CLCA2: variants seen among roughly 807,000 people sequenced by gnomAD.
CLCA2 encodes chloride channel accessory 2.
A neutral mutation model predicts 82.9 loss-of-function variants in CLCA2; 85 were observed. That is an observed-to-expected ratio of 1.03 (90% confidence interval 0.86 to 1.23). The LOEUF is 1.23. CLCA2 is among the 50% of genes most tolerant of loss of function. CLCA2 has a pLI of 0.00. For synonymous variants in CLCA2, 421 were observed against 391.7 expected, an observed-to-expected ratio of 1.07 and a Z score of -0.88; for missense variants, 1,089 against 1,124.8, an observed-to-expected ratio of 0.97 and a Z score of 0.45.
chr1:86,441,638 C>T, intron 9 of CLCA2, 95 bp downstream of exon 9: 1 of 785,242 alleles, frequency 1.3e-6, no homozygotes, highest in Non-Finnish European at 2.1e-6. Flanking sequence ...GCTTCATTAA[C>T]CTTACTTGAA....
intron 10 of CLCA2, among the ~76,000 whole-genome samples, chr1:86,444,295 A>G (rs1662803780): frequency 6.6e-6 from 1 of 152,222 alleles, no homozygotes; most frequent in Non-Finnish European, 1.5e-5. Flanking sequence ...TTCTTTACAT[A>G]ATCCATACAA....
At chr1:86,430,571 T>C (rs1200955970) in intron 3 of CLCA2, among the ~76,000 whole-genome samples, 1 of 152,084 alleles carries the variant, frequency 6.6e-6, no homozygotes, top group African/African-American at 2.4e-5. Context: ...ACTGGGGAGA[T>C]GAGAGGATGT....
chr1:86,435,415 A>T (rs1407566206), intron 6 of CLCA2, among the ~76,000 whole-genome samples: 6 of 152,244 alleles, frequency 3.9e-5, no homozygotes, highest in Non-Finnish European at 5.9e-5. Flanking sequence ...TTGAGGAAGT[A>T]AACTGTGAAT....
At chr1:86,448,730 C>T (rs1662905171) in intron 11 of CLCA2, among the ~76,000 whole-genome samples, 1 of 152,254 alleles carries the variant, frequency 6.6e-6, no homozygotes, top group African/African-American at 2.4e-5. Context: ...AACAAAAGTT[C>T]ATTCAAAGGG....
intron 2 of CLCA2, 33 bp downstream of exon 2, chr1:86,425,509 AGGGG>A: frequency 6.8e-7 from 1 of 1,479,082 alleles, no homozygotes; most frequent in Admixed American, 2.3e-5. Context: ...AATGATCTCA[AGGGG>A]AAAAAAAACA....
chr1:86,433,027 T>A (rs1208443410), intron 5 of CLCA2, among the ~76,000 whole-genome samples: 3 of 152,202 alleles, frequency 2.0e-5, no homozygotes, highest in African/African-American at 2.4e-5. Context: ...GCTAACTAAC[T>A]GACAAGAGAC....
Position 86,434,583 on chromosome 1 carries a change from C to G in CLCA2, c.810C>G (p.Cys270Trp). ...CACCAAACCTACAGAACCAGATGTGCAGCCTCAGAAGTGCATGGGATGTAA... is the reference window on the plus strand; with the variant it reads ...CACCAAACCTACAGAACCAGATGTGGAGCCTCAGAAGTGCATGGGATGTAA... The part of the protein sequence containing the change: ...QEAPNLQNQM[C>W]SLRSAWDVIT... The change falls in exon 6 of 14, where the codon TGC becomes TGG. Residue 270 changes from cysteine (C) to tryptophan (W), a missense_variant. Physicochemically the swap from Cys to Trp is radical, Grantham distance 215. Coordinates refer to ENST00000370565, the MANE Select transcript of CLCA2 (RefSeq NM_006536.7). 8 of 1,614,076 alleles carry G rather than the reference C, an allele frequency of 5.0e-6. No homozygotes were observed. Among genetic ancestry groups the G allele is most frequent in the Non-Finnish European group, 6.8e-6 (8 of 1,179,994 alleles).
At chr1:86,447,992 T>C (rs1207503499) in intron 11 of CLCA2, 1 of 584,018 alleles carries the variant, frequency 1.7e-6, no homozygotes, top group Non-Finnish European at 2.9e-6. Flanking sequence ...TCATAGTGTC[T>C]ATGTTTGAGC....
At position 86,430,041 on chromosome 1, in the gene CLCA2, A is replaced by G. The variant is rs1662462448; in HGVS notation, c.476-821A>G. Among the ~76,000 whole-genome samples the G allele has an allele frequency of 2.0e-5, 3 of 152,234 alleles. No homozygotes were observed. The South Asian group carries it at 6.2e-4, about 32-fold the overall frequency. ...TTGCCTCGAGGTCCAAAAATTACACAATATGCCACAGCCTGAGTCAACTCA... is the reference window on the plus strand; with the variant it reads ...TTGCCTCGAGGTCCAAAAATTACACGATATGCCACAGCCTGAGTCAACTCA... On this transcript the variant is annotated intron_variant, in intron 3 of 13. Transcript: ENST00000370565.
intron 5 of CLCA2, among the ~76,000 whole-genome samples, chr1:86,433,887 A>G (rs938988272): frequency 2.0e-5 from 3 of 152,208 alleles, no homozygotes; most frequent in Admixed American, 6.5e-5. Flanking sequence ...ATGGTGATGC[A>G]TTACTTAGCA....
At position 86,455,319 on chromosome 1, in the gene CLCA2, A is replaced by G. The variant is rs146193747; in HGVS notation, c.2624A>G (p.Gln875Arg). ...AIRAMDRNSLQSAVSNIAQAP... is the reference protein window; with the variant it reads ...AIRAMDRNSLRSAVSNIAQAP... ...CGAGCAATGGATAGGAACTCCTTAC[A>G]GTCTGCTGTATCTAACATTGCCCAG... The change falls in exon 14 of 14, where the codon CAG becomes CGG. Residue 875 changes from glutamine to arginine, a missense_variant. Gln to Arg is a conservative substitution (Grantham distance 43). Transcript: ENST00000370565. The G allele has an allele frequency of 4.3e-5, 69 of 1,613,918 alleles. 1 individual carries two copies. Among genetic ancestry groups the G allele is most frequent in the Middle Eastern group, 1.6e-4 (1 of 6,082 alleles).
chr1:86,430,532 A>G (rs940896337), intron 3 of CLCA2, among the ~76,000 whole-genome samples: 1 of 152,192 alleles, frequency 6.6e-6, no homozygotes, highest in Non-Finnish European at 1.5e-5. Flanking sequence ...GCCTCTACAA[A>G]GCTGAATAGA....
chr1:86,442,615 A>T (rs1662757951), intron 9 of CLCA2, among the ~76,000 whole-genome samples: 1 of 152,230 alleles, frequency 6.6e-6, no homozygotes, highest in Non-Finnish European at 1.5e-5. Context: ...ATTTGAACAA[A>T]CAATTCACAA....
At chr1:86,454,707 G>C (rs113282160) in intron 13 of CLCA2, among the ~76,000 whole-genome samples, 1 of 152,104 alleles carries the variant, frequency 6.6e-6, no homozygotes, top group East Asian at 1.9e-4. Context: ...TAGGAGAAGC[G>C]CTTGAACCCG....
chr1:86,447,770 A>G lies in CLCA2; in HGVS notation c.1976A>G (p.Asp659Gly). ...CCTGTTACGCTGAGACTCCTTGATG[A>G]TGGAGCAGGTAACAAGGAATGTCAT... ...GDPVTLRLLD[D>G]GAGADVIKND... The change falls in exon 11 of 14, where the codon GAT becomes GGT. Residue 659 changes from aspartate to glycine, a missense_variant. By Grantham distance (94) the Asp-to-Gly change is moderately conservative. Coordinates refer to ENST00000370565, the MANE Select transcript of CLCA2 (RefSeq NM_006536.7). The G allele has an allele frequency of 6.2e-7, 1 of 1,612,200 alleles. No individual in the cohort carries two copies. The highest frequency in any genetic ancestry group is 1.1e-5 in the South Asian group (1 of 91,064).
chr1:86,437,321 C>A (rs1303014394), intron 6 of CLCA2, among the ~76,000 whole-genome samples: 1 of 152,128 alleles, frequency 6.6e-6, no homozygotes, highest in Non-Finnish European at 1.5e-5. Flanking sequence ...ATGAGGGACA[C>A]AGGACACACA....
At chr1:86,441,327 C>T in intron 8 of CLCA2, 110 bp from the exon 9 acceptor site, 1 of 650,434 alleles carries the variant, frequency 1.5e-6, no homozygotes, top group Non-Finnish European at 2.6e-6. Flanking sequence ...CTCCCATTTC[C>T]CCAAAACAAA....
At position 86,434,626 on chromosome 1, in the gene CLCA2, T is replaced by A; in HGVS notation, c.853T>A (p.Phe285Ile). 6.2e-7 allele frequency: 1 copy of A among 1,614,070 alleles called. No individual in the cohort carries two copies. Among genetic ancestry groups the A allele is most frequent in the South Asian group, 1.1e-5 (1 of 91,080 alleles). Reference sequence around the variant, plus strand: ...GGATGTAATCACAGACTCTGCTGACTTTCACCACAGCTTTCCCATGAATGG... The same window carrying A: ...GGATGTAATCACAGACTCTGCTGACATTCACCACAGCTTTCCCATGAATGG... ...AWDVITDSAD[F>I]HHSFPMNGTE... Residue 285 changes from phenylalanine to isoleucine, a missense_variant, in exon 6 of 14, where the codon TTT (phenylalanine) becomes ATT (isoleucine). Coordinates refer to ENST00000370565, the MANE Select transcript of CLCA2 (RefSeq NM_006536.7).
intron 10 of CLCA2, among the ~76,000 whole-genome samples, chr1:86,446,483 T>A (rs1275493823): frequency 2.0e-5 from 3 of 152,186 alleles, no homozygotes; most frequent in Admixed American, 2.0e-4. Flanking sequence ...AAAACATTTA[T>A]TACACTCAGA....
Sources: gnomAD v4.1 joint callset for allele counts (sites outside exome capture counted in the v4.1 genomes callset) on GRCh38, gnomAD v4.1.1 for gene constraint, MANE v1.5 for transcripts, NCBI Gene and HGNC (gene_info 2026-07-23, HGNC 2026-07-21) for gene names.